LHFPL3: variants seen among roughly 807,000 people sequenced by gnomAD.
LHFPL3 encodes the protein LHFPL tetraspan subfamily member 3.
In LHFPL3, 5 loss-of-function variants were observed where a neutral mutation model predicts 19.3. The observed-to-expected ratio is 0.26, with a 90% CI of 0.14 to 0.54. The LOEUF (loss-of-function observed/expected upper bound fraction) is 0.54, where lower values mean the gene tolerates loss of function less well. Among genes scored for constraint, LHFPL3 ranks in the 20% least tolerant of loss-of-function variants. The pLI is 0.94. For missense variants in LHFPL3, 249 were observed against 307.4 expected (o/e 0.81, Z 1.42); for synonymous variants, 133 against 126.2 (o/e 1.05, Z -0.36).
intron 1 of LHFPL3, among the ~76,000 whole-genome samples, chr7:104,380,735 A>T (rs1283572790): frequency 2.6e-5 from 4 of 152,204 alleles, no homozygotes; most frequent in Non-Finnish European, 4.4e-5. Context: ...TAAAGCATAG[A>T]TGCAAAATCA....
chr7:104,872,910 T>C (rs1048548737), intron 2 of LHFPL3, among the ~76,000 whole-genome samples: 1 of 152,212 alleles, frequency 6.6e-6, no homozygotes, highest in African/African-American at 2.4e-5. Flanking sequence ...ACTATCAGTA[T>C]CAAGTATTAT....
chr7:104,706,733 C>T (rs980745321), intron 1 of LHFPL3, among the ~76,000 whole-genome samples: 5 of 152,170 alleles, frequency 3.3e-5, no homozygotes, highest in Non-Finnish European at 7.3e-5. Context: ...ATAACAGCCT[C>T]CTCTTTTATT....
At position 104,876,583 on chromosome 7, in the gene LHFPL3, C is replaced by T. The variant is rs373398057; in HGVS notation, c.683-29604C>T. 2.9e-3 allele frequency among the ~76,000 whole-genome samples: 438 copies of T among 151,650 alleles called. 12 individuals carry two copies. The East Asian group carries it at 0.044, about 15-fold the overall frequency. ...AATCAAAACCACAATGAGATACCATCTCACACCAGTTAGAATGGCTATCAT... is the reference window on the plus strand; with the variant it reads ...AATCAAAACCACAATGAGATACCATTTCACACCAGTTAGAATGGCTATCAT... On this transcript the variant is annotated intron_variant, in intron 2 of 2. Coordinates refer to ENST00000424859, the MANE Select transcript of LHFPL3 (RefSeq NM_199000.3).
chr7:104,348,271 G>T (rs1490246268), intron 1 of LHFPL3, among the ~76,000 whole-genome samples: 1 of 152,000 alleles, frequency 6.6e-6, no homozygotes, highest in Non-Finnish European at 1.5e-5. Context: ...TGTAATTCCA[G>T]CTATTGGAGG....
At chr7:104,634,459 G>A (rs1476148270) in intron 1 of LHFPL3, among the ~76,000 whole-genome samples, 1 of 152,040 alleles carries the variant, frequency 6.6e-6, no homozygotes, top group African/African-American at 2.4e-5. Flanking sequence ...CCTCCTCACA[G>A]GCCCTATCTC....
At chr7:104,593,249 C>T (rs1402407646) in intron 1 of LHFPL3, among the ~76,000 whole-genome samples, 1 of 152,012 alleles carries the variant, frequency 6.6e-6, no homozygotes. Flanking sequence ...TCTTTGTTCT[C>T]GTTGGTTTCA....
intron 2 of LHFPL3, among the ~76,000 whole-genome samples, chr7:104,883,402 C>T (rs946136201): frequency 9.9e-5 from 15 of 152,098 alleles, no homozygotes; most frequent in African/African-American, 1.7e-4. Flanking sequence ...CTCCTGGCAG[C>T]TGAGTGCATG....
intron 1 of LHFPL3, among the ~76,000 whole-genome samples, chr7:104,544,180 C>T (rs976602949): frequency 3.3e-5 from 5 of 151,986 alleles, no homozygotes; most frequent in African/African-American, 1.2e-4. Context: ...AAATGCTTAT[C>T]GTCATAAAAC....
In LHFPL3 at chr7:104,475,822, A is replaced by G. The variant is rs28401191; in HGVS notation, c.445+146598A>G. ...GATTTCGGGGAAGGCTTGTTTAGAC[A>G]CTATGACCAGAAAATGGTGAATAAC... On this transcript the variant is annotated intron_variant, in intron 1 of 2. Coordinates refer to ENST00000424859, the MANE Select transcript of LHFPL3 (RefSeq NM_199000.3). Among the ~76,000 whole-genome samples the G allele has an allele frequency of 9.0e-3, 1,372 of 152,316 alleles. 19 individuals are homozygous for G. Among genetic ancestry groups the G allele is most frequent in the African/African-American group, 0.031 (1,273 of 41,564 alleles).
At chr7:104,393,633 T>C in intron 1 of LHFPL3, among the ~76,000 whole-genome samples, 1 of 152,120 alleles carries the variant, frequency 6.6e-6, no homozygotes, top group East Asian at 1.9e-4. Flanking sequence ...AGAGAATCAC[T>C]TAAACCTGGG....
intron 1 of LHFPL3, among the ~76,000 whole-genome samples, chr7:104,529,250 G>A (rs963429535): frequency 6.6e-6 from 1 of 152,146 alleles, no homozygotes; most frequent in Non-Finnish European, 1.5e-5. Context: ...TTCTCTTGCT[G>A]TCCTCAGGAA....
At chr7:104,786,460 GT>G (rs1472049974) in intron 2 of LHFPL3, 1 of 152,126 alleles carries the variant, frequency 6.6e-6, no homozygotes, top group Non-Finnish European at 1.5e-5. Context: ...ATAATGTAAT[GT>G]TTAATAAATT....
At chr7:104,779,915 T>G (rs996256866) in intron 2 of LHFPL3, among the ~76,000 whole-genome samples, 11 of 143,996 alleles carry the variant, frequency 7.6e-5, no homozygotes, top group South Asian at 2.1e-4. Flanking sequence ...ATTAGTGGGG[T>G]TTTTTTTTTA....
At chr7:104,697,694 G>C (rs1003211636) in intron 1 of LHFPL3, among the ~76,000 whole-genome samples, 5 of 152,184 alleles carry the variant, frequency 3.3e-5, no homozygotes, top group African/African-American at 1.2e-4. Flanking sequence ...TTTAACTTGA[G>C]CTTTTCATCT....
chr7:104,771,471 T>C (rs1794549799), intron 2 of LHFPL3, among the ~76,000 whole-genome samples: 1 of 152,194 alleles, frequency 6.6e-6, no homozygotes, highest in Non-Finnish European at 1.5e-5. Context: ...TGCTGCCATT[T>C]GATACATTAT....
intron 1 of LHFPL3, among the ~76,000 whole-genome samples, chr7:104,461,587 A>ATGTTG (rs1275566183): frequency 6.6e-6 from 1 of 152,022 alleles, no homozygotes; most frequent in Non-Finnish European, 1.5e-5. Context: ...ACCAGTAACC[A>ATGTTG]TGTTGTTTTC....
chr7:104,620,390 A>G (rs1791423253), intron 1 of LHFPL3, among the ~76,000 whole-genome samples: 1 of 152,210 alleles, frequency 6.6e-6, no homozygotes, highest in African/African-American at 2.4e-5. Context: ...CCTTTTGGCT[A>G]TATAGGTTGT....
At chr7:104,565,665 C>G (rs1562936619) in intron 1 of LHFPL3, among the ~76,000 whole-genome samples, 1 of 151,670 alleles carries the variant, frequency 6.6e-6, no homozygotes, top group East Asian at 1.9e-4. Context: ...TACTGGATAA[C>G]AGTTAGACTT....
chr7:104,756,566 C>T (rs1794289807), intron 2 of LHFPL3, among the ~76,000 whole-genome samples: 1 of 152,206 alleles, frequency 6.6e-6, no homozygotes, highest in Admixed American at 6.5e-5. Context: ...GTGGTGCCCT[C>T]TCAGCTCACT....
Sources: allele counts gnomAD v4.1 joint callset (sites outside exome capture counted in the v4.1 genomes callset), GRCh38; gene constraint gnomAD v4.1.1; transcripts MANE v1.5; gene names NCBI Gene and HGNC (gene_info 2026-07-23, HGNC 2026-07-21).